Variants in ERC2 observed in about 807,000 individuals in gnomAD.
ERC2 encodes the protein ERC protein 2.
ERC2 carries 42 observed loss-of-function variants against 114.8 expected under a neutral mutation model. The observed-to-expected ratio is 0.37, with a 90% confidence interval of 0.29 to 0.47. ERC2 has a LOEUF of 0.47. Ranked by LOEUF, ERC2 falls within the 20% of genes least tolerant of loss-of-function variation. The pLI is 0.99. For missense variants in ERC2, 939 were observed against 1,150.7 expected (o/e 0.82, Z 2.66); for synonymous variants, 454 against 425.5 (o/e 1.07, Z -0.82).
chr3:55,786,043 T>A (rs545031609), intron 14 of ERC2, among the ~76,000 whole-genome samples: 1 of 152,376 alleles, frequency 6.6e-6, no homozygotes, highest in South Asian at 2.1e-4. Context: ...CCTGTACATC[T>A]GTTTTAGATG....
chr3:55,685,969 C>T (rs2062309217), intron 16 of ERC2, among the ~76,000 whole-genome samples: 2 of 152,112 alleles, frequency 1.3e-5, no homozygotes, highest in Non-Finnish European at 2.9e-5. Flanking sequence ...AAAAGAAAAG[C>T]CACTGCCACC....
intron 17 of ERC2, among the ~76,000 whole-genome samples, chr3:55,612,346 A>C (rs1396163926): frequency 6.6e-6 from 1 of 152,186 alleles, no homozygotes; most frequent in Non-Finnish European, 1.5e-5. Flanking sequence ...TCAAAGTGGC[A>C]GGTGTCACAA....
intron 6 of ERC2, among the ~76,000 whole-genome samples, chr3:56,101,327 A>C (rs1351547695): frequency 6.8e-6 from 1 of 147,084 alleles, no homozygotes; most frequent in Non-Finnish European, 1.5e-5. Flanking sequence ...TAACAACAAT[A>C]TTATAACACA....
chr3:56,350,418 G>T (rs926631352), intron 2 of ERC2, among the ~76,000 whole-genome samples: 1 of 152,166 alleles, frequency 6.6e-6, no homozygotes, highest in Admixed American at 6.5e-5. Context: ...ACTCCATGGA[G>T]ACCTATTGTA....
intron 3 of ERC2, among the ~76,000 whole-genome samples, chr3:56,215,557 C>T (rs1221715127): frequency 6.6e-6 from 1 of 152,120 alleles, no homozygotes; most frequent in African/African-American, 2.4e-5. Context: ...GAGTTTGACA[C>T]CCCACTGTCA....
chr3:55,938,744 G>A (rs567541642), intron 13 of ERC2, among the ~76,000 whole-genome samples: 15 of 152,208 alleles, frequency 9.9e-5, no homozygotes, highest in African/African-American at 3.6e-4. Flanking sequence ...ACACAGGGAC[G>A]CTCTGTGCTT....
At chr3:56,078,627 C>G (rs1165611808) in intron 7 of ERC2, among the ~76,000 whole-genome samples, 2 of 152,122 alleles carry the variant, frequency 1.3e-5, no homozygotes, top group Non-Finnish European at 2.9e-5. Context: ...TTCACAAGAA[C>G]AAGTGCTCCT....
intron 17 of ERC2, among the ~76,000 whole-genome samples, chr3:55,583,542 TTTCTTC>T (rs1559693525): frequency 1.1e-3 from 42 of 39,286 alleles, no homozygotes; most frequent in Admixed American, 5.5e-3. Context: ...CCTTCCTTCC[TTTCTTC>T]CTTCCTTCCT....
intron 14 of ERC2, among the ~76,000 whole-genome samples, chr3:55,778,629 T>C (rs1489923483): frequency 6.6e-6 from 1 of 152,110 alleles, no homozygotes; most frequent in African/African-American, 2.4e-5. Flanking sequence ...GATAAGCACA[T>C]TTCAGATAAA....
At chr3:56,171,458 G>A (rs149988369) in intron 4 of ERC2, among the ~76,000 whole-genome samples, 3 of 152,268 alleles carry the variant, frequency 2.0e-5, no homozygotes, top group East Asian at 3.9e-4. Flanking sequence ...TTGAGGATCC[G>A]TTTCCGTTTC....
At chr3:56,388,441 C>T (rs2060012592) in intron 2 of ERC2, among the ~76,000 whole-genome samples, 1 of 152,158 alleles carries the variant, frequency 6.6e-6, no homozygotes, top group South Asian at 2.1e-4. Flanking sequence ...AGGCCCTCAC[C>T]AGAAGCAGAT....
chr3:56,256,073 G>C (rs114858313), intron 3 of ERC2, among the ~76,000 whole-genome samples: 1,608 of 152,280 alleles, frequency 0.011, 26 homozygotes, highest in African/African-American at 0.037. Flanking sequence ...CACAAGGCTA[G>C]CTATGGCAAA....
intron 14 of ERC2, among the ~76,000 whole-genome samples, chr3:55,786,052 T>C (rs2069459426): frequency 1.3e-5 from 2 of 152,222 alleles, no homozygotes; most frequent in African/African-American, 4.8e-5. Context: ...CTGTTTTAGA[T>C]GTGGGATTTT....
At chr3:56,090,025 G>T (rs981838450) in intron 6 of ERC2, among the ~76,000 whole-genome samples, 1 of 152,128 alleles carries the variant, frequency 6.6e-6, no homozygotes, top group African/African-American at 2.4e-5. Context: ...CTCTACAAAA[G>T]AAAATTTTTG....
intron 6 of ERC2, among the ~76,000 whole-genome samples, chr3:56,103,737 A>T (rs1255954907): frequency 6.7e-6 from 1 of 148,508 alleles, no homozygotes; most frequent in Non-Finnish European, 1.5e-5. Context: ...CAAAAAAACT[A>T]GAAGTGTATC....
intron 12 of ERC2, among the ~76,000 whole-genome samples, chr3:55,967,544 A>G (rs1365859396): frequency 1.3e-5 from 2 of 152,208 alleles, no homozygotes; most frequent in African/African-American, 4.8e-5. Context: ...GAAGAAATTT[A>G]TAAGAAAAAC....
chr3:56,366,338 T>C (rs897127976), intron 2 of ERC2, among the ~76,000 whole-genome samples: 2 of 152,188 alleles, frequency 1.3e-5, no homozygotes, highest in African/African-American at 2.4e-5. Context: ...TCTGAATAAA[T>C]AGCATCTGTT....
At chr3:55,595,178 G>A (rs2058072028) in intron 17 of ERC2, among the ~76,000 whole-genome samples, 1 of 152,202 alleles carries the variant, frequency 6.6e-6, no homozygotes. Context: ...AGTTTAAAAT[G>A]TGTTCCCTAC....
At chr3:56,032,881 AAGAAAG>A (rs1171432427) in intron 7 of ERC2, among the ~76,000 whole-genome samples, 1 of 118,676 alleles carries the variant, frequency 8.4e-6, no homozygotes, top group Non-Finnish European at 1.8e-5. Context: ...GAAAGAAAGA[AAGAAAG>A]AGAGAGAGAG....
Sources: gnomAD v4.1 joint callset for allele counts (sites outside exome capture counted in the v4.1 genomes callset) on GRCh38, gnomAD v4.1.1 for gene constraint, MANE v1.5 for transcripts, NCBI Gene and HGNC (gene_info 2026-07-23, HGNC 2026-07-21) for gene names.